Variants in CD96 observed in about 807,000 individuals in gnomAD.
The protein encoded by CD96 is T-cell surface protein tactile.
In CD96, 70 loss-of-function variants were observed where a neutral mutation model predicts 71.3. The ratio of observed to expected loss-of-function variants is 0.98; its 90% CI spans 0.81 to 1.20. CD96 has a LOEUF of 1.20. Ranked by LOEUF, CD96 falls within the 50% of genes most tolerant of loss-of-function variation. The probability of loss-of-function intolerance (pLI) is 0.00; values close to 1 mark genes in which losing one functional copy is unlikely to be tolerated. For synonymous variants in CD96, 248 were observed against 233.0 expected (o/e 1.06, Z -0.59); for missense variants, 742 against 677.5 (o/e 1.10, Z -1.06).
At chr3:111,594,184 G>A (rs775851433) in intron 5 of CD96, 40 of 1,596,176 alleles carry the variant, frequency 2.5e-5, no homozygotes, top group South Asian at 1.4e-4. Flanking sequence ...CCTCTTCCTC[G>A]TCTTCCCGCC....
chr3:111,567,776 G>C, intron 3 of CD96, 129 bp downstream of exon 3: 1 of 848,776 alleles, frequency 1.2e-6, no homozygotes. Flanking sequence ...GTGGTGGGAA[G>C]AGGGGTAGGG....
Position 111,579,011 on chromosome 3 carries a change from C to G in CD96, c.544-16C>G, listed in dbSNP as rs749571530. 1.4e-6 allele frequency: 2 copies of G among 1,437,322 alleles called. No individual in the cohort carries two copies. The highest frequency in any genetic ancestry group is 2.0e-6 in the Non-Finnish European group (2 of 1,019,146). 89.0% of individuals were successfully genotyped at this position (1,437,322 alleles called of 1,614,324 possible). On this transcript the variant is annotated splice_polypyrimidine_tract_variant and intron_variant, in intron 3 of 13. Coordinates refer to ENST00000352690, the MANE Select transcript of CD96 (RefSeq NM_005816.5). ...CAGTTGAGGACTCAATAACTGGTAACAATTTTTCTCACCAGGAGGATAATG... is the reference window on the plus strand; with the variant it reads ...CAGTTGAGGACTCAATAACTGGTAAGAATTTTTCTCACCAGGAGGATAATG...
chr3:111,584,567 G>A (rs1490814066), intron 4 of CD96, among the ~76,000 whole-genome samples: 3 of 152,172 alleles, frequency 2.0e-5, no homozygotes, highest in African/African-American at 4.8e-5. Flanking sequence ...TGGCTGGGGA[G>A]GCCTCAGAAT....
At chr3:111,653,282 C>A (rs1940150835), downstream of CD96, among the ~76,000 whole-genome samples, 1 of 152,150 alleles carries the variant, frequency 6.6e-6, no homozygotes, top group South Asian at 2.1e-4. Flanking sequence ...TCACAGCCTA[C>A]CTCAACAGGC....
intron 3 of CD96, among the ~76,000 whole-genome samples, chr3:111,578,316 A>C (rs1936313434): frequency 1.3e-5 from 2 of 152,184 alleles, no homozygotes; most frequent in Non-Finnish European, 2.9e-5. Context: ...TAGAAGAACC[A>C]AGTACCTCAA....
chr3:111,649,497 A>G (rs936564000), intron 13 of CD96, among the ~76,000 whole-genome samples: 7 of 152,354 alleles, frequency 4.6e-5, no homozygotes, highest in Middle Eastern at 3.4e-3. Context: ...TGCAAACTAC[A>G]AAATACCGTA....
chr3:111,561,372 T>C (rs1576319049), intron 2 of CD96, among the ~76,000 whole-genome samples: 1 of 147,670 alleles, frequency 6.8e-6, no homozygotes, highest in African/African-American at 2.4e-5. Context: ...GATGGTGATG[T>C]ACAGATGGGT....
chr3:111,637,595 T>G (rs1228700096), intron 11 of CD96, among the ~76,000 whole-genome samples: 1 of 152,208 alleles, frequency 6.6e-6, no homozygotes, highest in East Asian at 1.9e-4. Context: ...ATGTTGCAAA[T>G]GAATTTTTAT....
intron 6 of CD96, among the ~76,000 whole-genome samples, chr3:111,599,038 G>A (rs1417488963): frequency 1.3e-5 from 2 of 151,954 alleles, no homozygotes; most frequent in Non-Finnish European, 2.9e-5. Flanking sequence ...GGGCGATCTC[G>A]GCTCATTGCA....
chr3:111,603,264 A>T (rs995285874), intron 7 of CD96, among the ~76,000 whole-genome samples: 3 of 152,102 alleles, frequency 2.0e-5, no homozygotes, highest in Non-Finnish European at 4.4e-5. Context: ...CAATATAGTG[A>T]CACTTTGTCT....
chr3:111,547,808 G>A (rs1934489700), intron 2 of CD96, among the ~76,000 whole-genome samples: 1 of 152,058 alleles, frequency 6.6e-6, no homozygotes, highest in South Asian at 2.1e-4. Context: ...AAATGGTTCT[G>A]GTATTGTGAT....
intron 10 of CD96, among the ~76,000 whole-genome samples, chr3:111,636,603 C>G (rs1939340275): frequency 2.0e-5 from 3 of 152,178 alleles, no homozygotes; most frequent in Non-Finnish European, 4.4e-5. Context: ...TATGTGCTGT[C>G]TGAGTTTGCT....
chr3:111,645,824 C>A (rs58009050), intron 12 of CD96, among the ~76,000 whole-genome samples: 3,875 of 152,192 alleles, frequency 0.025, 161 homozygotes, highest in African/African-American at 0.086. Context: ...ATCAGGAAGA[C>A]CTCGAATCCC....
intron 6 of CD96, among the ~76,000 whole-genome samples, chr3:111,599,118 G>A (rs1370741543): frequency 6.6e-6 from 1 of 151,898 alleles, no homozygotes; most frequent in Non-Finnish European, 1.5e-5. Context: ...ACAGGCGCCC[G>A]CCACTACGCC....
chr3:111,616,954 C>T (rs943870123), intron 8 of CD96, among the ~76,000 whole-genome samples: 3 of 152,222 alleles, frequency 2.0e-5, no homozygotes, highest in Non-Finnish European at 4.4e-5. Context: ...CTTCCACCCC[C>T]TGGACTCTTC....
downstream of CD96, among the ~76,000 whole-genome samples, chr3:111,654,267 G>A (rs1322006704): frequency 6.6e-6 from 1 of 152,174 alleles, no homozygotes; most frequent in Non-Finnish European, 1.5e-5. Context: ...GGGAATCAAG[G>A]CAGTTATTTC....
At chr3:111,550,603 A>G (rs1344090252) in intron 2 of CD96, among the ~76,000 whole-genome samples, 1 of 152,118 alleles carries the variant, frequency 6.6e-6, no homozygotes, top group African/African-American at 2.4e-5. Flanking sequence ...AAAAAAAAGA[A>G]CAGTTTTTTT....
In CD96 at chr3:111,545,224, C is replaced by T. The variant is rs1443364293; in HGVS notation, c.240C>T (p.Ala80=). The change falls in exon 2 of 14, where the codon GCC becomes GCT. Residue 80 remains alanine, a synonymous_variant. Coordinates refer to ENST00000352690, the MANE Select transcript of CD96 (RefSeq NM_005816.5). ...VYHPQYGFYC[A]YGRPCESLVT... ...ATCCCCAATACGGCTTCTACTGTGC[C>T]TATGGGAGACCCTGTGAGTCACTTG... is the stretch of plus-strand genomic sequence containing the variant. 6 of 1,614,076 alleles carry T rather than the reference C, an allele frequency of 3.7e-6. No homozygotes were observed. Among genetic ancestry groups the T allele is most frequent in the African/African-American group, 1.3e-5 (1 of 74,932 alleles).
intron 12 of CD96, among the ~76,000 whole-genome samples, chr3:111,642,527 G>A (rs543281188): frequency 2.6e-5 from 4 of 152,296 alleles, no homozygotes; most frequent in Admixed American, 6.5e-5. Context: ...AGGGCTGAGC[G>A]CAGTGGCTCA....
Sources: allele counts gnomAD v4.1 joint callset (sites outside exome capture counted in the v4.1 genomes callset), GRCh38; gene constraint gnomAD v4.1.1; transcripts MANE v1.5; gene names NCBI Gene and HGNC (gene_info 2026-07-23, HGNC 2026-07-21).